The following EPHA7 variants were observed in gnomAD, a reference collection of about 807,000 sequenced individuals.
EPHA7 encodes the protein ephrin type-A receptor 7.
A neutral mutation model predicts 112.6 loss-of-function variants in EPHA7; 25 were observed. That is an observed-to-expected ratio of 0.22 (90% CI 0.16 to 0.31). The LOEUF is 0.31. Ranked by LOEUF, EPHA7 falls within the 10% of genes least tolerant of loss-of-function variation. The probability of loss-of-function intolerance (pLI) is 1.00; values close to 1 mark genes in which losing one functional copy is unlikely to be tolerated. For synonymous variants in EPHA7, 437 were observed against 406.5 expected (o/e 1.07, Z -0.90); for missense variants, 962 against 1,212.6 (o/e 0.79, Z 3.07).
chr6:93,391,155 C>T (rs954609765), intron 3 of EPHA7, among the ~76,000 whole-genome samples: 2 of 151,864 alleles, frequency 1.3e-5, no homozygotes, highest in African/African-American at 2.4e-5. Context: ...TATAAGTGTA[C>T]TCTGAAAAGT....
At chr6:93,344,848 T>C (rs892791044) in intron 5 of EPHA7, among the ~76,000 whole-genome samples, 1 of 151,582 alleles carries the variant, frequency 6.6e-6, no homozygotes, top group Admixed American at 6.6e-5. Flanking sequence ...GCTTCTGAGA[T>C]TCTTCCATCC....
At chr6:93,274,980 A>G (rs1198037460) in intron 5 of EPHA7, among the ~76,000 whole-genome samples, 2 of 151,944 alleles carry the variant, frequency 1.3e-5, no homozygotes, top group Admixed American at 1.3e-4. Context: ...AAACACAATG[A>G]TTTCTATGGT....
chr6:93,355,059 T>G (rs1355039186), intron 5 of EPHA7, among the ~76,000 whole-genome samples: 1 of 152,104 alleles, frequency 6.6e-6, no homozygotes, highest in African/African-American at 2.4e-5. Flanking sequence ...ACAACAAATT[T>G]ATATATAAAA....
intron 5 of EPHA7, among the ~76,000 whole-genome samples, chr6:93,345,829 G>A (rs1389109940): frequency 1.3e-5 from 2 of 151,538 alleles, no homozygotes; most frequent in Non-Finnish European, 1.5e-5. Context: ...CTAATTTACT[G>A]CATTGGTAGA....
rs541986095 is a variant in EPHA7, at chr6:93,301,844, C to T, written c.1325-29422G>A. ...TACCCAGTACTCCCAAGTCATTGCT[C>T]GACATCTGAATTATCATCTCCACAC... On this transcript the variant is annotated intron_variant, in intron 5 of 16. Coordinates refer to ENST00000369303, the MANE Select transcript of EPHA7 (RefSeq NM_004440.4). Among the ~76,000 whole-genome samples the T allele has an allele frequency of 5.3e-5, 8 of 152,244 alleles. No individual in the cohort carries two copies. In the East Asian group the frequency reaches 5.8e-4, roughly 11 times the overall value.
chr6:93,244,160 T>C (rs431650), intron 16 of EPHA7, among the ~76,000 whole-genome samples: 115,337 of 151,974 alleles, frequency 0.76, 43,960 homozygotes, highest in South Asian at 0.84. Flanking sequence ...TTTGCCTTTC[T>C]TAATAGCCAG....
intron 2 of EPHA7, among the ~76,000 whole-genome samples, chr6:93,412,146 T>A (rs1398727489): frequency 2.6e-5 from 4 of 152,100 alleles, no homozygotes; most frequent in Admixed American, 2.6e-4. Context: ...CAATTATTAA[T>A]AATTTTCCCA....
rs1470242561 is a variant in EPHA7 at position 93,240,467 on chromosome 6, C to T, written c.*2959G>A. On this transcript the variant is annotated 3_prime_UTR_variant, in exon 17 of 17. Transcript: ENST00000369303. Reference sequence around the variant, plus strand: ...AGCTAATGTAGATTACATAAGTATACAATATGATTCAACTAATAGTGCTCT... The same window carrying T: ...AGCTAATGTAGATTACATAAGTATATAATATGATTCAACTAATAGTGCTCT... The T allele has an allele frequency of 4.6e-6, 1 of 217,990 alleles. No homozygotes were observed. The highest frequency in any genetic ancestry group is 9.2e-6 in the Non-Finnish European group (1 of 108,642). The allele number at this position is 217,990 out of a possible 1,614,324, so 13.5% of individuals were successfully genotyped here. A position where few individuals can be genotyped will look rare whatever the true frequency, so the allele number is the denominator to read the frequency against.
intron 5 of EPHA7, among the ~76,000 whole-genome samples, chr6:93,281,013 T>C (rs1209469434): frequency 1.3e-5 from 2 of 152,144 alleles, no homozygotes; most frequent in Non-Finnish European, 2.9e-5. Flanking sequence ...AAATTGCTAT[T>C]CTAAGGTGGG....
chr6:93,412,193 T>C (rs965814587), intron 2 of EPHA7, among the ~76,000 whole-genome samples: 2 of 152,110 alleles, frequency 1.3e-5, no homozygotes, highest in African/African-American at 4.8e-5. Context: ...GAAATTGTCA[T>C]GTTAATATTA....
chr6:93,416,917 G>A (rs887643850), intron 1 of EPHA7, among the ~76,000 whole-genome samples: 1 of 152,090 alleles, frequency 6.6e-6, no homozygotes, highest in South Asian at 2.1e-4. Flanking sequence ...AGACGGGCGC[G>A]CCAGCCGCGC....
rs577477709 is a variant in EPHA7, at chr6:93,381,900, G to A, written c.833-23489C>T. On this transcript the variant is annotated intron_variant, in intron 3 of 16. Coordinates refer to ENST00000369303, the MANE Select transcript of EPHA7 (RefSeq NM_004440.4). ...CACAAATTCTGAAATTCCTCACTTT[G>A]ATCTCAGCCTTGTATCTTGTTCCTC... Among the ~76,000 whole-genome samples the A allele has an allele frequency of 1.9e-4, 29 of 152,056 alleles. No individual in the cohort carries two copies. In the South Asian group the frequency reaches 6.0e-3, roughly 32 times the overall value.
At chr6:93,278,500 A>ACT (rs1483475921) in intron 5 of EPHA7, among the ~76,000 whole-genome samples, 1 of 152,078 alleles carries the variant, frequency 6.6e-6, no homozygotes, top group Non-Finnish European at 1.5e-5. Flanking sequence ...TCCTGATAGT[A>ACT]AGACACACAT....
intron 3 of EPHA7, among the ~76,000 whole-genome samples, chr6:93,398,275 C>A (rs187140484): frequency 6.6e-6 from 1 of 152,042 alleles, no homozygotes; most frequent in East Asian, 1.9e-4. Context: ...TGATTAAGTA[C>A]TCTTATAAAC....
intron 5 of EPHA7, among the ~76,000 whole-genome samples, chr6:93,272,730 A>G (rs1184220076): frequency 6.6e-6 from 1 of 152,026 alleles, no homozygotes; most frequent in Non-Finnish European, 1.5e-5. Flanking sequence ...GCTAGAAAAT[A>G]TGATTTCAGA....
At chr6:93,355,381 T>C (rs912628535) in intron 5 of EPHA7, among the ~76,000 whole-genome samples, 2 of 152,158 alleles carry the variant, frequency 1.3e-5, no homozygotes, top group African/African-American at 2.4e-5. Context: ...TATGTAGATA[T>C]AATCTAAATA....
At chr6:93,299,736 A>G (rs528074560) in intron 5 of EPHA7, among the ~76,000 whole-genome samples, 2 of 152,210 alleles carry the variant, frequency 1.3e-5, no homozygotes, top group Admixed American at 6.5e-5. Context: ...ATGCCCATCA[A>G]TGAAAGACTG....
intron 5 of EPHA7, among the ~76,000 whole-genome samples, chr6:93,353,913 T>G (rs1775817249): frequency 6.6e-6 from 1 of 151,992 alleles, no homozygotes; most frequent in Non-Finnish European, 1.5e-5. Context: ...TGCTCCAAAC[T>G]CAAAACTTAA....
At chr6:93,397,869 T>C (rs1778257091) in intron 3 of EPHA7, among the ~76,000 whole-genome samples, 1 of 152,156 alleles carries the variant, frequency 6.6e-6, no homozygotes, top group African/African-American at 2.4e-5. Context: ...TAAAAAAGTG[T>C]GCTTAATGTG....
Sources: gnomAD v4.1 joint callset for allele counts (sites outside exome capture counted in the v4.1 genomes callset) on GRCh38, gnomAD v4.1.1 for gene constraint, MANE v1.5 for transcripts, NCBI Gene and HGNC (gene_info 2026-07-23, HGNC 2026-07-21) for gene names.